SDK2: variants seen among roughly 807,000 people sequenced by gnomAD.
SDK2 encodes the protein sidekick cell adhesion molecule 2.
SDK2 carries 105 observed loss-of-function variants against 253.9 expected under a neutral mutation model. The observed-to-expected ratio is 0.41, with a 90% CI of 0.35 to 0.49. The LOEUF (loss-of-function observed/expected upper bound fraction) is 0.49. Ranked by LOEUF, SDK2 falls within the 20% of genes least tolerant of loss-of-function variation. The probability of loss-of-function intolerance (pLI) is 0.06; values close to 1 mark genes in which losing one functional copy is unlikely to be tolerated. For synonymous variants in SDK2, 1,249 were observed against 1,234.9 expected (o/e 1.01, Z -0.24); for missense variants, 2,608 against 3,003.0 (o/e 0.87, Z 3.07).
chr17:73,480,171 G>C (rs900058514), intron 2 of SDK2, among the ~76,000 whole-genome samples: 2 of 152,350 alleles, frequency 1.3e-5, no homozygotes, highest in East Asian at 1.9e-4. Context: ...CCCAGAGAGA[G>C]AAAGTAACTT....
intron 12 of SDK2, among the ~76,000 whole-genome samples, chr17:73,424,556 A>AAATCCCTTT (rs2063263952): frequency 6.6e-6 from 1 of 152,240 alleles, no homozygotes; most frequent in South Asian, 2.1e-4. Context: ...GTGTCCAAAA[A>AAATCCCTTT]AATCCCTTTA....
At chr17:73,371,499 A>G (rs1441274669) in intron 36 of SDK2, among the ~76,000 whole-genome samples, 1 of 152,198 alleles carries the variant, frequency 6.6e-6, no homozygotes, top group Non-Finnish European at 1.5e-5. Flanking sequence ...GGGAATTATT[A>G]ACAACTTTGG....
chr17:73,502,525 C>T (rs1156903368), intron 2 of SDK2, among the ~76,000 whole-genome samples: 1 of 152,038 alleles, frequency 6.6e-6, no homozygotes, highest in African/African-American at 2.4e-5. Flanking sequence ...GCTCCACTGG[C>T]CAAATTTAGG....
Position 73,383,119 on chromosome 17 carries a change from T to A in SDK2, c.4705+757A>T, listed in dbSNP as rs2062844911. On this transcript the variant is annotated intron_variant, in intron 33 of 44. Transcript: ENST00000392650. This position sits in a 1 kb window ranked among gnomAD's most constrained non-coding sequence, Gnocchi z 4.3. ...CATACTGGCCTCGGTCCACCCCGAG[T>A]CTGTGCCTCGGTTCCAACCTCCTGC... Among the ~76,000 whole-genome samples the A allele has an allele frequency of 1.3e-5, 2 of 152,118 alleles. No homozygotes were observed. Among genetic ancestry groups the A allele is most frequent in the South Asian group, 4.1e-4 (2 of 4,828 alleles).
At chr17:73,472,019 T>C in intron 3 of SDK2, 93 bp downstream of exon 3, 1 of 920,876 alleles carries the variant, frequency 1.1e-6, no homozygotes, top group Non-Finnish European at 1.7e-6. Flanking sequence ...TTGATGGCCA[T>C]GACGGGATCT....
chr17:73,350,775 G>A lies in SDK2; in HGVS notation c.5774C>T (p.Pro1925Leu). The part of the protein sequence containing the change: ...SQSVPAQKAN[P>L]FYEEWWFLVV... ...CAAGAACCACCACTCCTCATAGAAG[G>A]GGTTGGCTTTCTGGGCTGGAGCACA... The change falls in exon 42 of 45, where the codon CCC (proline) becomes CTC (leucine). Residue 1925 changes from proline to leucine, a missense_variant. By Grantham distance (98) the Pro-to-Leu change is moderately conservative. Coordinates refer to ENST00000392650, the MANE Select transcript of SDK2 (RefSeq NM_001144952.2). 1 of 1,610,624 alleles carries A rather than the reference G, an allele frequency of 6.2e-7. No individual in the cohort carries two copies. The highest frequency in any genetic ancestry group is 8.5e-7 in the Non-Finnish European group (1 of 1,178,830).
rs530353860 is a variant in SDK2 at position 73,338,498 on chromosome 17, T to C, written c.*89A>G. On this transcript the variant is annotated 3_prime_UTR_variant, in exon 45 of 45. Transcript: ENST00000392650. The surrounding 1 kb of genome is among the most constrained non-coding windows in gnomAD (Gnocchi z 5.0). ...GAGGTGAAAAGTTGACTTGGTTTCT[T>C]GGTGTTTTTGTTTTCTGGCAGGCAG... 4 of 803,736 alleles carry C rather than the reference T, an allele frequency of 5.0e-6. No homozygotes were observed. In the African/African-American group the frequency reaches 5.1e-5, roughly 10 times the overall value. 49.8% of individuals were successfully genotyped at this position (803,736 alleles called of 1,614,324 possible).
chr17:73,481,763 A>G lies in SDK2; in HGVS notation c.225-9545T>C, dbSNP rs2063726054. ...TCCTGGTTCCCGGCCTGCAGACTCT[A>G]GGACTTACACCCATGGGCTCTCGGT... On this transcript the variant is annotated intron_variant, in intron 2 of 44. Coordinates refer to ENST00000392650, the MANE Select transcript of SDK2 (RefSeq NM_001144952.2). The surrounding 1 kb of genome is among the most constrained non-coding windows in gnomAD (Gnocchi z 4.5). 6.6e-6 allele frequency among the ~76,000 whole-genome samples: 1 copy of G among 152,060 alleles called. No homozygotes were observed. The highest frequency in any genetic ancestry group is 1.5e-5 in the Non-Finnish European group (1 of 68,004).
chr17:73,535,740 A>T (rs2044761914), intron 1 of SDK2, among the ~76,000 whole-genome samples: 1 of 152,174 alleles, frequency 6.6e-6, no homozygotes, highest in African/African-American at 2.4e-5. Context: ...CCATCACCAA[A>T]GTAGGGTGTG....
At chr17:73,495,474 G>A (rs917670702) in intron 2 of SDK2, among the ~76,000 whole-genome samples, 6 of 152,216 alleles carry the variant, frequency 3.9e-5, no homozygotes, top group Non-Finnish European at 8.8e-5. Flanking sequence ...AATGTCAGCA[G>A]TGCTGAGGCT....
chr17:73,399,690 A>G (rs1394166038), intron 21 of SDK2, among the ~76,000 whole-genome samples: 1 of 152,092 alleles, frequency 6.6e-6, no homozygotes, highest in Non-Finnish European at 1.5e-5. Context: ...ATCCGCCCAG[A>G]CCCCTGCACA....
chr17:73,341,743 A>T (rs534194770), intron 44 of SDK2, among the ~76,000 whole-genome samples: 30 of 152,292 alleles, frequency 2.0e-4, no homozygotes, highest in Admixed American at 1.4e-3. Context: ...AGTCCTTCAT[A>T]ACATGGGGAT....
intron 1 of SDK2, among the ~76,000 whole-genome samples, chr17:73,597,116 G>A (rs1046034255): frequency 1.3e-5 from 2 of 152,210 alleles, no homozygotes; most frequent in African/African-American, 4.8e-5. Context: ...ATGTTCCCAA[G>A]CTCATCTGTC....
intron 12 of SDK2, among the ~76,000 whole-genome samples, chr17:73,425,618 G>C (rs1006827300): frequency 6.6e-6 from 1 of 151,848 alleles, no homozygotes; most frequent in African/African-American, 2.4e-5. Context: ...AGTGATTTTC[G>C]TGGCTCAGCC....
intron 25 of SDK2, 27 bp from the exon 26 acceptor site, chr17:73,394,351 G>A (rs1311156951): frequency 4.7e-6 from 7 of 1,483,662 alleles, no homozygotes; most frequent in Non-Finnish European, 6.4e-6. Context: ...GTGGAGAGAA[G>A]GCACTCAGGA....
chr17:73,495,368 A>G (rs2145735991), intron 2 of SDK2, among the ~76,000 whole-genome samples: 1 of 152,336 alleles, frequency 6.6e-6, no homozygotes, highest in Non-Finnish European at 1.5e-5. Flanking sequence ...GAAGGTGTCT[A>G]TTGGGATCTA....
chr17:73,352,414 T>C lies in SDK2; in HGVS notation c.5758+59A>G, dbSNP rs2062546576. On this transcript the variant is annotated intron_variant, in intron 41 of 44. Transcript: ENST00000392650. This position sits in a 1 kb window ranked among gnomAD's most constrained non-coding sequence, Gnocchi z 4.1. ...CCTCTCCTCCTTCCGCCCTGCCCAGTGTCAGCCCCCAGGCTCTGCTGTGGG... is the reference window on the plus strand; with the variant it reads ...CCTCTCCTCCTTCCGCCCTGCCCAGCGTCAGCCCCCAGGCTCTGCTGTGGG... 5 of 1,561,038 alleles carry C rather than the reference T, an allele frequency of 3.2e-6. No individual in the cohort carries two copies. The South Asian group carries it at 5.8e-5, about 18-fold the overall frequency.
At chr17:73,581,662 A>G (rs1483638877) in intron 1 of SDK2, among the ~76,000 whole-genome samples, 4 of 151,938 alleles carry the variant, frequency 2.6e-5, no homozygotes, top group Non-Finnish European at 5.9e-5. Flanking sequence ...AGGAGGCAAC[A>G]CTCTCGGAAT....
At position 73,388,616 on chromosome 17, in the gene SDK2, C is replaced by A. The variant is rs577114711; in HGVS notation, c.4193-579G>T. On this transcript the variant is annotated intron_variant, in intron 29 of 44. Coordinates refer to ENST00000392650, the MANE Select transcript of SDK2 (RefSeq NM_001144952.2). ...CCACTTGATGCCAGTAGCACTCCCA[C>A]ACTGTGACAACCAAAATGTCTCCAG... 1.7e-3 allele frequency among the ~76,000 whole-genome samples: 260 copies of A among 152,328 alleles called. 1 individual carries two copies. Among genetic ancestry groups the A allele is most frequent in the African/African-American group, 5.9e-3 (246 of 41,576 alleles).
Sources: allele counts gnomAD v4.1 joint callset (sites outside exome capture counted in the v4.1 genomes callset), GRCh38; gene constraint gnomAD v4.1.1; non-coding constraint Gnocchi (gnomAD v3.1); transcripts MANE v1.5; gene names NCBI Gene and HGNC (gene_info 2026-07-23, HGNC 2026-07-21).